The following WIPI1 variants were observed in gnomAD, a reference collection of about 807,000 sequenced individuals.
WIPI1 encodes the protein WD repeat domain phosphoinositide-interacting protein 1.
WIPI1 carries 45 observed loss-of-function variants against 55.3 expected under a neutral mutation model. The ratio of observed to expected loss-of-function variants is 0.81; its 90% confidence interval spans 0.64 to 1.04. The LOEUF is 1.04. Ranked by LOEUF, WIPI1 falls within the 50% of genes least tolerant of loss-of-function variation. The pLI is 0.00. For synonymous variants in WIPI1, 195 were observed against 217.6 expected, an observed-to-expected ratio of 0.90 and a Z score of 0.92; for missense variants, 445 against 559.0, an observed-to-expected ratio of 0.80 and a Z score of 2.06.
chr17:68,448,615 CAGAA>C (rs773138000), intron 3 of WIPI1, among the ~76,000 whole-genome samples: 1 of 152,080 alleles, frequency 6.6e-6, no homozygotes, highest in Non-Finnish European at 1.5e-5. Flanking sequence ...ATATACCAGA[CAGAA>C]AGAGAGAAAT....
Position 68,428,737 on chromosome 17 carries a change from G to A in WIPI1, c.1073+92C>T, listed in dbSNP as rs2147799170. The A allele has an allele frequency of 3.1e-6, 3 of 968,172 alleles. No homozygotes were observed. In the East Asian group the frequency reaches 7.6e-5, roughly 25 times the overall value. The allele number at this position is 968,172 out of a possible 1,614,324, so 60.0% of individuals were successfully genotyped here. A position where few individuals can be genotyped will look rare whatever the true frequency, so the allele number is the denominator to read the frequency against. ...GACTGCCAGTGAAGAACAAATCAAT[G>A]CAAGGGCACTGAAGCTTGTCGTTCT... On this transcript the variant is annotated intron_variant, in intron 10 of 12. Transcript: ENST00000262139.
Position 68,421,722 on chromosome 17 carries a change from C to T in WIPI1, c.*51G>A, listed in dbSNP as rs752545850. On this transcript the variant is annotated 3_prime_UTR_variant, in exon 13 of 13. Coordinates refer to ENST00000262139, the MANE Select transcript of WIPI1 (RefSeq NM_017983.7). ...CATTCTTCCGCCTTCCTTGTTTTCTCCAAAACCACCTGATAGGGGGGATGT... is the reference window on the plus strand; with the variant it reads ...CATTCTTCCGCCTTCCTTGTTTTCTTCAAAACCACCTGATAGGGGGGATGT... 1 of 1,613,832 alleles carries T rather than the reference C, an allele frequency of 6.2e-7. No individual in the cohort carries two copies. The highest frequency in any genetic ancestry group is 1.1e-5 in the South Asian group (1 of 91,070).
Position 68,441,733 on chromosome 17 carries a change from G to A in WIPI1, c.430+2760C>T, listed in dbSNP as rs548939101. Among the ~76,000 whole-genome samples the A allele has an allele frequency of 1.1e-4, 16 of 152,296 alleles. 1 individual carries two copies. The highest frequency in any genetic ancestry group is 3.1e-4 in the African/African-American group (13 of 41,566). On this transcript the variant is annotated intron_variant, in intron 4 of 12. Coordinates refer to ENST00000262139, the MANE Select transcript of WIPI1 (RefSeq NM_017983.7). ...CACCCAGGCCACAACCTCAGGTAAC[G>A]CTCTCCGTGGCAACTCTGGGGGCTA...
chr17:68,427,142 C>T lies in WIPI1; in HGVS notation c.1185G>A (p.Thr395=), dbSNP rs1344671137. ...GGCCCCGTGTCCACCCACCTGGCAC[C>T]GTGGAGGCTGAAGATGCACTTGGTC... is the stretch of plus-strand genomic sequence containing the variant. ...VARPSASSAS[T]VPGYSEDGGA... is the part of the protein sequence containing the mutation. The change falls in exon 11 of 13, where the codon ACG becomes ACA. Residue 395 remains threonine (T), a synonymous_variant. Coordinates refer to ENST00000262139, the MANE Select transcript of WIPI1 (RefSeq NM_017983.7). 3.1e-6 allele frequency: 5 copies of T among 1,613,586 alleles called. No homozygotes were observed. The highest frequency in any genetic ancestry group is 1.6e-4 in the Middle Eastern group (1 of 6,076).
intron 7 of WIPI1, among the ~76,000 whole-genome samples, chr17:68,434,332 A>T (rs1019382737): frequency 2.0e-5 from 3 of 152,154 alleles, no homozygotes; most frequent in African/African-American, 7.2e-5. Context: ...CACACATCAA[A>T]AAGGGACTCT....
Position 68,421,672 on chromosome 17 carries a change from C to A in WIPI1, c.*101G>T, listed in dbSNP as rs186251334. The A allele has an allele frequency of 7.8e-6, 12 of 1,539,014 alleles. No individual in the cohort carries two copies. The highest frequency in any genetic ancestry group is 6.7e-5 in the East Asian group (3 of 44,500). On this transcript the variant is annotated 3_prime_UTR_variant, in exon 13 of 13. Transcript: ENST00000262139. ...GTGGAGCACCCGGGATTCCTGCCCC[C>A]CTTTCTGCTCACACAATTGCACTCC... is the stretch of plus-strand genomic sequence containing the variant.
chr17:68,439,457 G>A (rs2083981675), intron 4 of WIPI1, among the ~76,000 whole-genome samples: 1 of 152,154 alleles, frequency 6.6e-6, no homozygotes, highest in South Asian at 2.1e-4. Context: ...ACAGAAAGTA[G>A]ATTAGGGGTT....
chr17:68,444,671 T>C lies in WIPI1; in HGVS notation c.334-82A>G. The C allele has an allele frequency of 2.5e-6, 3 of 1,185,032 alleles. No homozygotes were observed. In the East Asian group the frequency reaches 7.1e-5, roughly 28 times the overall value. 73.4% of individuals were successfully genotyped at this position (1,185,032 alleles called of 1,614,324 possible). On this transcript the variant is annotated intron_variant, in intron 3 of 12. Coordinates refer to ENST00000262139, the MANE Select transcript of WIPI1 (RefSeq NM_017983.7). ...AAATCCAAATCATTCATCTTTCATA[T>C]GAGTCCTAACTTGATTCTAAGCCTA...
chr17:68,454,745 G>A (rs2084603457), intron 1 of WIPI1, among the ~76,000 whole-genome samples: 1 of 152,182 alleles, frequency 6.6e-6, no homozygotes, highest in African/African-American at 2.4e-5. Context: ...TGCGAAATGA[G>A]GTTTGTAAAG....
intron 11 of WIPI1, 78 bp from the exon 12 acceptor site, chr17:68,426,253 G>GGGGGGGGGGGGGA: frequency 1.2e-6 from 1 of 841,018 alleles, no homozygotes. Context: ...GGGGAGCGGG[G>GGGGGGGGGGGGGA]GCTCAAATAA....
At chr17:68,435,505 T>A in intron 6 of WIPI1, 115 bp downstream of exon 6, 1 of 987,936 alleles carries the variant, frequency 1.0e-6, no homozygotes, top group South Asian at 1.4e-5. Context: ...AAATTCTGAG[T>A]GGGCCCAGAG....
intron 3 of WIPI1, among the ~76,000 whole-genome samples, chr17:68,445,239 G>A (rs1454879032): frequency 6.6e-6 from 1 of 152,128 alleles, no homozygotes; most frequent in African/African-American, 2.4e-5. Context: ...AACACTTTCT[G>A]ATCAGACCCC....
At position 68,430,158 on chromosome 17, in the gene WIPI1, C is replaced by A; in HGVS notation, c.803G>T (p.Arg268Leu). The A allele has an allele frequency of 6.2e-7, 1 of 1,611,838 alleles. No homozygotes were observed. Among genetic ancestry groups the A allele is most frequent in the Non-Finnish European group, 8.5e-7 (1 of 1,179,114 alleles). The stretch of plus-strand genomic sequence containing the variant: ...ACTCCAGGTCGAAGGCTCTTCTGGT[C>A]GACTAGGGAGTAATGCACAGGCAAC... The part of the protein sequence containing the change: ...IFKLEQVTNS[R>L]PEEPSTWSGY... Residue 268 changes from arginine (R) to leucine (L), a missense_variant and splice_region_variant, in exon 9 of 13, where the codon CGA becomes CTA. Arg to Leu is a moderately radical substitution (Grantham distance 102). Transcript: ENST00000262139.
At chr17:68,422,231 G>C (rs1305227709) in intron 12 of WIPI1, 4 of 171,412 alleles carry the variant, frequency 2.3e-5, no homozygotes, top group Non-Finnish European at 3.8e-5. Flanking sequence ...TTTGAGACCA[G>C]CCTGGCCAAC....
At chr17:68,447,984 CAA>C (rs5821653) in intron 3 of WIPI1, among the ~76,000 whole-genome samples, 1,504 of 80,270 alleles carry the variant, frequency 0.019, 18 homozygotes, top group African/African-American at 0.047. Flanking sequence ...GACTCTATCT[CAA>C]AAAAAAAAAA....
chr17:68,452,895 C>T lies in WIPI1; in HGVS notation c.163+15G>A. Reference sequence around the variant, plus strand: ...TCTCCTGCAGATCCCTGAGGTCTCTCTCACACACACTTACTGCTTCCGTGG... The same window carrying T: ...TCTCCTGCAGATCCCTGAGGTCTCTTTCACACACACTTACTGCTTCCGTGG... On this transcript the variant is annotated intron_variant, in intron 2 of 12. Coordinates refer to ENST00000262139, the MANE Select transcript of WIPI1 (RefSeq NM_017983.7). 1.9e-6 allele frequency: 3 copies of T among 1,612,594 alleles called. No individual in the cohort carries two copies. Among genetic ancestry groups the T allele is most frequent in the Non-Finnish European group, 2.5e-6 (3 of 1,179,350 alleles).
chr17:68,436,521 G>A (rs370271508), intron 4 of WIPI1, 42 bp from the exon 5 acceptor site: 1 of 1,585,856 alleles, frequency 6.3e-7, no homozygotes, highest in Non-Finnish European at 8.7e-7. Context: ...TGGGGCCAAG[G>A]GAGAGATTGC....
At chr17:68,449,657 C>T (rs369764924) in intron 3 of WIPI1, among the ~76,000 whole-genome samples, 2 of 152,180 alleles carry the variant, frequency 1.3e-5, no homozygotes, top group African/African-American at 4.8e-5. Flanking sequence ...ACGTAAGACG[C>T]CTGCTCCCGC....
intron 1 of WIPI1, among the ~76,000 whole-genome samples, chr17:68,455,191 G>A (rs28464040): frequency 0.013 from 1,975 of 151,898 alleles, 38 homozygotes; most frequent in African/African-American, 0.045. Flanking sequence ...GCAAAACCCC[G>A]TCTCTACTAA....
Sources: allele counts gnomAD v4.1 joint callset (sites outside exome capture counted in the v4.1 genomes callset), GRCh38; gene constraint gnomAD v4.1.1; transcripts MANE v1.5; gene names NCBI Gene and HGNC (gene_info 2026-07-23, HGNC 2026-07-21).